The following EXOC7 variants were observed in gnomAD, a reference collection of about 807,000 sequenced individuals.
EXOC7 encodes the protein exocyst complex component Exo70.
Under a neutral mutation model 87.6 loss-of-function variants are expected in EXOC7, and 51 were observed. The observed-to-expected ratio is 0.58, with a 90% CI of 0.46 to 0.73. The LOEUF (loss-of-function observed/expected upper bound fraction) is 0.73. EXOC7 is among the 30% of genes least tolerant of loss of function. The pLI is 0.00. For missense variants in EXOC7, 744 were observed against 888.4 expected (o/e 0.84, Z 2.07); for synonymous variants, 327 against 357.1 (o/e 0.92, Z 0.95).
At chr17:76,097,096 C>T (rs1567982846) in intron 5 of EXOC7, among the ~76,000 whole-genome samples, 4 of 152,198 alleles carry the variant, frequency 2.6e-5, no homozygotes, top group Non-Finnish European at 4.4e-5. Context: ...GATCCACTCA[C>T]CTCAGCCTCC....
chr17:76,084,444 CT>C, intron 16 of EXOC7, 72 bp downstream of exon 16: 2 of 1,585,148 alleles, frequency 1.3e-6, no homozygotes, highest in Non-Finnish European at 1.7e-6. Context: ...TGCTTGTCCA[CT>C]TTTTCCCAGA....
Position 76,086,153 on chromosome 17 carries a change from A to C in EXOC7, c.1430-8T>G. On this transcript the variant is annotated splice_polypyrimidine_tract_variant and splice_region_variant and intron_variant, in intron 12 of 18. Transcript: ENST00000589210. ...TGGCCGAAGAGCTGGTCTCTGTGAG[A>C]GGAGAAGTCCTGTTATTGCAGTGGC... The C allele has an allele frequency of 6.2e-7, 1 of 1,613,276 alleles. No individual in the cohort carries two copies. Among genetic ancestry groups the C allele is most frequent in the Non-Finnish European group, 8.5e-7 (1 of 1,179,898 alleles).
At position 76,081,181 on chromosome 17, in the gene EXOC7, A is replaced by G. The variant is rs2066953325; in HGVS notation, c.*2467T>C. 9 of 1,536,388 alleles carry G rather than the reference A, an allele frequency of 5.9e-6. No homozygotes were observed. Among genetic ancestry groups the G allele is most frequent in the Middle Eastern group, 2.4e-4 (1 of 4,158 alleles). On this transcript the variant is annotated 3_prime_UTR_variant, in exon 19 of 19. Coordinates refer to ENST00000589210, the MANE Select transcript of EXOC7 (RefSeq NM_001013839.4). ...AGTCTGTCCCTGCCAAAAGCCATCA[A>G]AAGTCTCCATCACCCCTGGGCTCCA...
chr17:76,103,058 T>C (rs1447085803), intron 2 of EXOC7: 2 of 418,248 alleles, frequency 4.8e-6, no homozygotes, highest in Non-Finnish European at 8.9e-6. Context: ...ATATGCCCAG[T>C]ACCTAGCCCA....
At chr17:76,085,820 A>T (rs757003502) in intron 13 of EXOC7, 23 bp from the exon 14 acceptor site, 16 of 1,606,996 alleles carry the variant, frequency 1.0e-5, no homozygotes, top group Middle Eastern at 3.3e-4. Context: ...AAATGGGGCC[A>T]CACCCACCAT....
Position 76,081,336 on chromosome 17 carries a change from A to G in EXOC7, c.*2312T>C. ...ACGAGATTGTGAGTGTCAAGAGGGA[A>G]TACGTAGTTTATGATCTGAAGACCC... On this transcript the variant is annotated 3_prime_UTR_variant, in exon 19 of 19. Transcript: ENST00000589210. The G allele has an allele frequency of 6.2e-7, 1 of 1,614,112 alleles. No homozygotes were observed. Among genetic ancestry groups the G allele is most frequent in the Non-Finnish European group, 8.5e-7 (1 of 1,180,008 alleles).
chr17:76,082,798 C>T lies in EXOC7; in HGVS notation c.*850G>A. On this transcript the variant is annotated 3_prime_UTR_variant, in exon 19 of 19. Coordinates refer to ENST00000589210, the MANE Select transcript of EXOC7 (RefSeq NM_001013839.4). ...CACAGAGCGTGAAATAAACCCATCT[C>T]CAGTGCAAGTGTGCCTCAAGGGTCA... is the stretch of plus-strand genomic sequence containing the variant. 1 of 757,916 alleles carries T rather than the reference C, an allele frequency of 1.3e-6. No individual in the cohort carries two copies. Among genetic ancestry groups the T allele is most frequent in the Non-Finnish European group, 2.0e-6 (1 of 509,514 alleles). 46.9% of individuals were successfully genotyped at this position (757,916 alleles called of 1,614,324 possible). A position where few individuals can be genotyped will look rare whatever the true frequency, so the allele number is the denominator to read the frequency against.
rs184330776 is a variant in EXOC7 at position 76,099,271 on chromosome 17, C to T, written c.418-1253G>A. On this transcript the variant is annotated intron_variant, in intron 4 of 18. Transcript: ENST00000589210. ...CTGTAATCCCAGCACTTTGGGAGGC[C>T]GAGGCAAGCAGATCACCTGAGGTCA... is the stretch of plus-strand genomic sequence containing the variant. Among the ~76,000 whole-genome samples, 4 of 152,198 alleles carry T rather than the reference C, an allele frequency of 2.6e-5. No individual in the cohort carries two copies. In the East Asian group the frequency reaches 5.8e-4, roughly 22 times the overall value.
chr17:76,084,052 C>T lies in EXOC7; in HGVS notation c.1906G>A (p.Ala636Thr). 6.2e-7 allele frequency: 1 copy of T among 1,609,238 alleles called. No homozygotes were observed. The highest frequency in any genetic ancestry group is 8.5e-7 in the Non-Finnish European group (1 of 1,178,352). Residue 636 changes from alanine to threonine, a missense_variant, in exon 18 of 19, where the codon GCC becomes ACC. By Grantham distance (58) the Ala-to-Thr change is moderately conservative. Around this residue, in one of 3 missense-constraint regions of EXOC7, gnomAD observed 228 missense variants for 298.6 expected, o/e 0.76. Transcript: ENST00000589210. ...DTEQRDRIRQAQKTIVKETYG... is the reference protein window; with the variant it reads ...DTEQRDRIRQTQKTIVKETYG... ...GTCTCCTTGACAATGGTCTTCTGGG[C>T]CTGGCGAATCCTGTCCCTCTGCTCT...
chr17:76,092,396 G>A (rs1341631575), intron 6 of EXOC7: 1 of 147,914 alleles, frequency 6.8e-6, no homozygotes, highest in East Asian at 2.1e-4. Context: ...CTGGGTTCAA[G>A]TGATTCTCCT....
chr17:76,097,832 T>C lies in EXOC7; in HGVS notation c.604A>G (p.Ile202Val), dbSNP rs1048616996. Residue 202 changes from isoleucine to valine, a missense_variant, in exon 5 of 19, where the codon ATC (isoleucine) becomes GTC (valine). Ile to Val is a conservative substitution (Grantham distance 29). Coordinates refer to ENST00000589210, the MANE Select transcript of EXOC7 (RefSeq NM_001013839.4). ...CCATATTCCACCAGCCAGCGGGAGA[T>C]GCGAATGACATCCTGGAGCACGCTC... The part of the protein sequence containing the change: ...PESVLQDVIR[I>V]SRWLVEYGRN... 6.2e-7 allele frequency: 1 copy of C among 1,613,170 alleles called. No homozygotes were observed. Among genetic ancestry groups the C allele is most frequent in the Non-Finnish European group, 8.5e-7 (1 of 1,179,864 alleles).
rs139898167 is a variant in EXOC7, at chr17:76,089,757, C to T, written c.902-437G>A. 813 of 198,000 alleles carry T rather than the reference C, an allele frequency of 4.1e-3. 11 individuals are homozygous for T. The highest frequency in any genetic ancestry group is 0.033 in the Admixed American group (622 of 18,930). 12.3% of individuals were successfully genotyped at this position (198,000 alleles called of 1,614,324 possible). ...CTGGGGTCATCCATGTGGGCAAATG[C>T]GGGGCCTGTGAAGGAAGTGACCAGC... On this transcript the variant is annotated intron_variant, in intron 7 of 18. Transcript: ENST00000589210.
At chr17:76,089,894 C>T (rs1052720931) in intron 7 of EXOC7, 7 of 180,946 alleles carry the variant, frequency 3.9e-5, no homozygotes, top group African/African-American at 1.2e-4. Flanking sequence ...GAGGGGTTGC[C>T]AGCTGCCCCA....
rs777622727 is a variant in EXOC7, at chr17:76,085,659, C to T, written c.1616+18G>A. 1 of 1,614,026 alleles carries T rather than the reference C, an allele frequency of 6.2e-7. No individual in the cohort carries two copies. The highest frequency in any genetic ancestry group is 8.5e-7 in the Non-Finnish European group (1 of 1,180,042). On this transcript the variant is annotated intron_variant, in intron 14 of 18. Transcript: ENST00000589210. ...GGGGAAGGTGAGAGCCGCAGACTCA[C>T]TCCCGCAGGCCACTTACTTCTCCAG...
Position 76,082,079 on chromosome 17 carries a change from G to A in EXOC7, c.*1569C>T, listed in dbSNP as rs770014240. ...GCAGGGGCTGGGGGGTAAGGAATGA[G>A]GCCTAGGTGCACACCTAGGGCTGGG... On this transcript the variant is annotated 3_prime_UTR_variant, in exon 19 of 19. Coordinates refer to ENST00000589210, the MANE Select transcript of EXOC7 (RefSeq NM_001013839.4). The A allele has an allele frequency of 2.5e-6, 4 of 1,569,934 alleles. No individual in the cohort carries two copies. In the South Asian group the frequency reaches 4.6e-5, roughly 18 times the overall value.
rs763778468 is a variant in EXOC7, at chr17:76,084,240, C to T, written c.1818+8G>A. On this transcript the variant is annotated splice_region_variant and intron_variant, in intron 17 of 18. Coordinates refer to ENST00000589210, the MANE Select transcript of EXOC7 (RefSeq NM_001013839.4). Reference sequence around the variant, plus strand: ...GCAAGCAGTGGAGGGGAGAGGACCCCGACTCACCTTAAAACGCTCCTTGAT... The same window carrying T: ...GCAAGCAGTGGAGGGGAGAGGACCCTGACTCACCTTAAAACGCTCCTTGAT... 6.1e-5 allele frequency: 98 copies of T among 1,611,588 alleles called. 1 individual carries two copies. The highest frequency in any genetic ancestry group is 1.1e-4 in the South Asian group (10 of 91,014).
intron 6 of EXOC7, chr17:76,093,675 G>A (rs2067606884): frequency 6.6e-6 from 1 of 152,344 alleles, no homozygotes; most frequent in African/African-American, 2.4e-5. Flanking sequence ...ACATCATCGA[G>A]CTGCGGGCAG....
chr17:76,087,668 A>G lies in EXOC7; in HGVS notation c.1415T>C (p.Met472Thr). Residue 472 changes from methionine to threonine, a missense_variant, in exon 12 of 19, where the codon ATG (methionine) becomes ACG (threonine). By Grantham distance (81) the Met-to-Thr change is moderately conservative. This residue lies in a region of EXOC7 where 228 missense variants were observed against 298.6 expected (regional missense o/e 0.76). Coordinates refer to ENST00000589210, the MANE Select transcript of EXOC7 (RefSeq NM_001013839.4). ...LLDFQETAGA[M>T]LASQETSSSA... ...GGTACCAGTACCTTGGGAGGCCAGC[A>G]TGGCGCCTGCCGTCTCCTGGAAGTC... is the stretch of plus-strand genomic sequence containing the variant. 2.6e-6 allele frequency: 4 copies of G among 1,551,342 alleles called. No individual in the cohort carries two copies. The highest frequency in any genetic ancestry group is 3.5e-6 in the Non-Finnish European group (4 of 1,147,002).
intron 6 of EXOC7, 198 bp downstream of exon 6, chr17:76,094,216 T>G (rs1392460107): frequency 1.8e-6 from 1 of 549,506 alleles, no homozygotes; most frequent in Non-Finnish European, 3.1e-6. Context: ...CTCTGCTAGC[T>G]GGAAGGAAGA....
Sources: gnomAD v4.1 joint callset for allele counts (sites outside exome capture counted in the v4.1 genomes callset) on GRCh38, gnomAD v4.1.1 for gene constraint, gnomAD v4.1.1 regional missense constraint, MANE v1.5 for transcripts, NCBI Gene and HGNC (gene_info 2026-07-23, HGNC 2026-07-21) for gene names.